SPPL2B: variants seen among roughly 807,000 people sequenced by gnomAD.
The protein encoded by SPPL2B is signal peptide peptidase like 2B, also known as signal peptide peptidase-like 2B.
Under a neutral mutation model 59.7 loss-of-function variants are expected in SPPL2B, and 39 were observed. The observed-to-expected ratio is 0.65, with a 90% confidence interval of 0.51 to 0.85. SPPL2B has a LOEUF of 0.85. Ranked by LOEUF, SPPL2B falls within the 40% of genes least tolerant of loss-of-function variation. The probability of loss-of-function intolerance (pLI) is 0.00; values close to 1 mark genes in which losing one functional copy is unlikely to be tolerated. For synonymous variants in SPPL2B, 419 were observed against 370.8 expected, an observed-to-expected ratio of 1.13 and a Z score of -1.49; for missense variants, 865 against 849.0, an observed-to-expected ratio of 1.02 and a Z score of -0.23.
In SPPL2B at chr19:2,352,956, C is replaced by G; in HGVS notation, c.1526C>G (p.Pro509Arg). 1 of 1,612,168 alleles carries G rather than the reference C, an allele frequency of 6.2e-7. No individual in the cohort carries two copies. The highest frequency in any genetic ancestry group is 8.5e-7 in the Non-Finnish European group (1 of 1,179,696). The change falls in exon 15 of 15, where the codon CCT becomes CGT. Residue 509 changes from proline (P) to arginine (R), a missense_variant. Physicochemically the swap from Pro to Arg is moderately radical, Grantham distance 103 (BLOSUM62 -2). Coordinates refer to ENST00000613503, the MANE Select transcript of SPPL2B (RefSeq NM_152988.3). Reference sequence around the variant, plus strand: ...TCCCTTCTCCTGTAGAAAGTCCTACCTCCATCTCCGTGGGCCCCAGCACCA... The same window carrying G: ...TCCCTTCTCCTGTAGAAAGTCCTACGTCCATCTCCGTGGGCCCCAGCACCA... ...WTGSGFAKVLPPSPWAPAPAD... is the reference protein window; with the variant it reads ...WTGSGFAKVLRPSPWAPAPAD...
At chr19:2,344,911 G>A (rs1023413402) in intron 12 of SPPL2B, among the ~76,000 whole-genome samples, 9 of 152,132 alleles carry the variant, frequency 5.9e-5, no homozygotes, top group African/African-American at 1.9e-4. Flanking sequence ...CATCCTGCTC[G>A]GGGTTGTGCA....
chr19:2,328,787 A>G lies in SPPL2B; in HGVS notation c.66+12A>G. The G allele has an allele frequency of 7.1e-7, 1 of 1,400,808 alleles. No individual in the cohort carries two copies. The highest frequency in any genetic ancestry group is 9.2e-7 in the Non-Finnish European group (1 of 1,084,808). The allele number at this position is 1,400,808 out of a possible 1,614,324, so 86.8% of individuals were successfully genotyped here. A position where few individuals can be genotyped will look rare whatever the true frequency, so the allele number is the denominator to read the frequency against. On this transcript the variant is annotated intron_variant, in intron 1 of 14. Transcript: ENST00000613503. ...TCCTCGCGGCCCAGGTGAGCGCGGC[A>G]CCGGTCCCGACGGCACCGCGGGCTG...
chr19:2,347,186 T>A (rs997761797), intron 13 of SPPL2B, among the ~76,000 whole-genome samples: 1 of 145,502 alleles, frequency 6.9e-6, no homozygotes, highest in African/African-American at 2.7e-5. Context: ...ACACGCGCTC[T>A]CATTCGCCTG....
At position 2,339,146 on chromosome 19, in the gene SPPL2B, C is replaced by T. The variant is rs1218153756; in HGVS notation, c.537C>T (p.Phe179=). Residue 179 remains phenylalanine (F), a synonymous_variant, in exon 5 of 15, where the codon TTC becomes TTT. Coordinates refer to ENST00000613503, the MANE Select transcript of SPPL2B (RefSeq NM_152988.3). ...TGGACTACAACATGGTCATCATCTT[C>T]ATCATGGCTGTGGGCACCGTCGCCA... The part of the protein sequence containing the change: ...PVLDYNMVII[F]IMAVGTVAIG... 4.4e-6 allele frequency: 7 copies of T among 1,598,640 alleles called. No individual in the cohort carries two copies. Among genetic ancestry groups the T allele is most frequent in the Non-Finnish European group, 6.0e-6 (7 of 1,172,700 alleles).
intron 8 of SPPL2B, 24 bp from the exon 9 acceptor site, chr19:2,343,187 C>T (rs373758707): frequency 2.5e-4 from 392 of 1,546,602 alleles, no homozygotes; most frequent in Non-Finnish European, 3.2e-4. Context: ...TCTGCCCCGG[C>T]GAGGATGCTG....
intron 7 of SPPL2B, 137 bp from the exon 8 acceptor site, chr19:2,340,761 G>T (rs912499497): frequency 3.3e-6 from 2 of 609,230 alleles, no homozygotes; most frequent in African/African-American, 3.7e-5. Flanking sequence ...CATCGTGTGG[G>T]ATGTGGAGTT....
chr19:2,345,977 C>T (rs1407912293), intron 13 of SPPL2B, among the ~76,000 whole-genome samples: 3 of 152,202 alleles, frequency 2.0e-5, no homozygotes, highest in Non-Finnish European at 4.4e-5. Context: ...CCCTGGCTTC[C>T]ATTGTTCTGT....
chr19:2,340,570 C>G, intron 7 of SPPL2B: 1 of 551,448 alleles, frequency 1.8e-6, no homozygotes, highest in Non-Finnish European at 3.3e-6. Flanking sequence ...GGAAGCGGGG[C>G]TAGCCCAGGG....
rs1461155803 is a variant in SPPL2B, at chr19:2,340,937, G to A, written c.879G>A (p.Pro293=). The A allele has an allele frequency of 6.2e-6, 10 of 1,602,150 alleles. No individual in the cohort carries two copies. In the East Asian group the frequency reaches 1.8e-4, roughly 29 times the overall value. The part of the protein sequence containing the change: ...NNSLPYFHKR[P]QARMLLLALF... ...GCCTGCCCTACTTCCACAAGCGCCC[G>A]CAGGCCCGTATGCTGCTCCTGGCGC... Residue 293 remains proline, a synonymous_variant, in exon 8 of 15, where the codon CCG becomes CCA. Transcript: ENST00000613503.
At chr19:2,345,781 GGGCCCGT>G (rs1969334705) in intron 13 of SPPL2B, among the ~76,000 whole-genome samples, 1 of 146,988 alleles carries the variant, frequency 6.8e-6, no homozygotes, top group African/African-American at 2.6e-5. Context: ...CATTCTCCCT[GGGCCCGT>G]GCCTCCATCC....
intron 8 of SPPL2B, 70 bp downstream of exon 8, chr19:2,341,084 T>A: frequency 8.9e-7 from 1 of 1,123,348 alleles, no homozygotes. Context: ...CCTGGGGCCC[T>A]GACTCCCTGC....
chr19:2,349,356 T>TCA (rs1280583105), intron 13 of SPPL2B, among the ~76,000 whole-genome samples: 3 of 99,782 alleles, frequency 3.0e-5, no homozygotes, highest in Non-Finnish European at 4.0e-5. Flanking sequence ...CCACACACAC[T>TCA]CGTGTTCTCA....
At chr19:2,346,085 A>G (rs1969352939) in intron 13 of SPPL2B, among the ~76,000 whole-genome samples, 1 of 152,182 alleles carries the variant, frequency 6.6e-6, no homozygotes, top group South Asian at 2.1e-4. Context: ...TATTTACGCA[A>G]AGTGCTGTTA....
intron 13 of SPPL2B, among the ~76,000 whole-genome samples, chr19:2,349,040 C>T (rs1969707789): frequency 6.6e-6 from 1 of 150,388 alleles, no homozygotes; most frequent in Admixed American, 6.6e-5. Flanking sequence ...TCCACACACA[C>T]TCACGCGCTC....
At chr19:2,337,767 G>A (rs1599212341) in intron 3 of SPPL2B, 142 bp downstream of exon 3, 3 of 852,596 alleles carry the variant, frequency 3.5e-6, no homozygotes, top group Admixed American at 6.6e-5. Flanking sequence ...TGGGCCGAGT[G>A]TGAACATGGG....
chr19:2,341,252 C>A, intron 8 of SPPL2B: 1 of 669,800 alleles, frequency 1.5e-6, no homozygotes, highest in Non-Finnish European at 2.7e-6. Flanking sequence ...GAGGCCGGAG[C>A]CCCTGTGGCC....
chr19:2,334,101 C>G (rs574174643), intron 1 of SPPL2B, among the ~76,000 whole-genome samples: 1 of 152,372 alleles, frequency 6.6e-6, no homozygotes, highest in Non-Finnish European at 1.5e-5. Flanking sequence ...CACCAGCCAA[C>G]AAGCAGTGCC....
Position 2,353,558 on chromosome 19 carries a change from G to A in SPPL2B, c.*349G>A, listed in dbSNP as rs115742625. On this transcript the variant is annotated 3_prime_UTR_variant, in exon 15 of 15. Transcript: ENST00000613503. ...GAGCAGGCGTGGGTGGACTCTGGCC[G>A]CGGCCACACTTGGTGCTCACCAGCT... 1,214 of 277,606 alleles carry A rather than the reference G, an allele frequency of 4.4e-3. 13 individuals are homozygous for A. The highest frequency in any genetic ancestry group is 0.024 in the African/African-American group (1,084 of 44,770). The allele number at this position is 277,606 out of a possible 1,614,324, so 17.2% of individuals were successfully genotyped here. A position where few individuals can be genotyped will look rare whatever the true frequency, so the allele number is the denominator to read the frequency against.
At chr19:2,342,997 C>A in intron 8 of SPPL2B, 1 of 577,642 alleles carries the variant, frequency 1.7e-6, no homozygotes, top group Admixed American at 3.0e-5. Flanking sequence ...AGGGTGGGCC[C>A]TGGGGTGGGG....
Sources: gnomAD v4.1 joint callset for allele counts (sites outside exome capture counted in the v4.1 genomes callset) on GRCh38, gnomAD v4.1.1 for gene constraint, MANE v1.5 for transcripts, NCBI Gene and HGNC (gene_info 2026-07-23, HGNC 2026-07-21) for gene names.